The following ETAA1 variants were observed in gnomAD, a reference collection of about 807,000 sequenced individuals.
ETAA1 encodes ETAA1 activator of ATR kinase.
In ETAA1, 49 loss-of-function variants were observed where a neutral mutation model predicts 76.8. The observed-to-expected ratio is 0.64, with a 90% CI of 0.51 to 0.81. The LOEUF (loss-of-function observed/expected upper bound fraction) is 0.81. Among genes scored for constraint, ETAA1 ranks in the 30% least tolerant of loss-of-function variants. The probability of loss-of-function intolerance (pLI) is 0.00; values close to 1 mark genes in which losing one functional copy is unlikely to be tolerated. For missense variants in ETAA1, 1,099 were observed against 1,074.0 expected (o/e 1.02, Z -0.32); for synonymous variants, 373 against 372.2 (o/e 1.00, Z -0.03).
chr2:67,397,428 G>C lies in ETAA1; in HGVS notation c.-21G>C, dbSNP rs1280132234. On this transcript the variant is annotated 5_prime_UTR_variant, in exon 1 of 6. Coordinates refer to ENST00000272342, the MANE Select transcript of ETAA1 (RefSeq NM_019002.4). ...GCAAAATGTGAAAGAAGAAGCGGCTGGTGGAGGCGGGCCATAGGCAATGAG... is the reference window on the plus strand; with the variant it reads ...GCAAAATGTGAAAGAAGAAGCGGCTCGTGGAGGCGGGCCATAGGCAATGAG... 1 of 1,573,456 alleles carries C rather than the reference G, an allele frequency of 6.4e-7. No homozygotes were observed. Among genetic ancestry groups the C allele is most frequent in the Non-Finnish European group, 8.6e-7 (1 of 1,159,014 alleles).
At position 67,403,231 on chromosome 2, in the gene ETAA1, AAC is replaced by A. The variant is rs1676103701; in HGVS notation, c.553_554del (p.Gln185LysfsTer11). 6.5e-7 allele frequency: 1 copy of A among 1,548,708 alleles called. No homozygotes were observed. The highest frequency in any genetic ancestry group is 8.7e-7 in the Non-Finnish European group (1 of 1,150,280). ...RAKISCTKLK[T>X]QSQEEELMKL... ...TTTTAATCTTGTTTAATAGGTTAAAAACACAAAGTCAAGAAGAAGAACTTATG... is the reference window on the plus strand; with the variant it reads ...TTTTAATCTTGTTTAATAGGTTAAAAACAAAGTCAAGAAGAAGAACTTATG... On this transcript the variant is annotated frameshift_variant, in exon 5 of 6. Coordinates refer to ENST00000272342, the MANE Select transcript of ETAA1 (RefSeq NM_019002.4). LOFTEE classifies it high-confidence loss of function.
chr2:67,407,941 G>A (rs953684567), intron 5 of ETAA1, among the ~76,000 whole-genome samples: 4 of 151,926 alleles, frequency 2.6e-5, no homozygotes, highest in Non-Finnish European at 4.4e-5. Flanking sequence ...TTGTTCAAGG[G>A]TCAACTATAG....
chr2:67,407,914 G>T (rs539872698), intron 5 of ETAA1, among the ~76,000 whole-genome samples: 20 of 152,038 alleles, frequency 1.3e-4, no homozygotes, highest in Middle Eastern at 3.4e-3. Context: ...GAGTGGACTT[G>T]CCAGTTCAAG....
At position 67,404,727 on chromosome 2, in the gene ETAA1, T is replaced by C; in HGVS notation, c.2045T>C (p.Ile682Thr). 1 of 1,613,466 alleles carries C rather than the reference T, an allele frequency of 6.2e-7. No homozygotes were observed. The highest frequency in any genetic ancestry group is 8.5e-7 in the Non-Finnish European group (1 of 1,179,584). Residue 682 changes from isoleucine (I) to threonine (T), a missense_variant, in exon 5 of 6, where the codon ATA becomes ACA. Ile to Thr is a moderately conservative substitution (Grantham distance 89). This residue lies in a region of ETAA1 where 302 missense variants were observed against 278.1 expected (regional missense o/e 1.09). Transcript: ENST00000272342. ...SEHGAKNMFA[I>T]SKQGSNLVQS... ...CATGGAGCCAAAAACATGTTTGCTA[T>C]ATCTAAACAAGGAAGTAATTTGGTA...
At chr2:67,399,848 T>C (rs1352061928) in intron 3 of ETAA1, among the ~76,000 whole-genome samples, 1 of 152,214 alleles carries the variant, frequency 6.6e-6, no homozygotes, top group Admixed American at 6.5e-5. Flanking sequence ...ATATCTTGTT[T>C]TAATTTTTTA....
intron 5 of ETAA1, 80 bp from the exon 6 acceptor site, chr2:67,409,830 TA>T (rs1389355169): frequency 7.1e-6 from 10 of 1,400,884 alleles, no homozygotes; most frequent in African/African-American, 2.9e-5. Flanking sequence ...TCTGGGTGAT[TA>T]AAAAAAGCAA....
In ETAA1 at chr2:67,404,504, G is replaced by T. The variant is rs755901034; in HGVS notation, c.1822G>T (p.Asp608Tyr). The change falls in exon 5 of 6, where the codon GAT (aspartate) becomes TAT (tyrosine). Residue 608 changes from aspartate (D) to tyrosine (Y), a missense_variant. Physicochemically the swap from Asp to Tyr is radical, Grantham distance 160. Coordinates refer to ENST00000272342, the MANE Select transcript of ETAA1 (RefSeq NM_019002.4). ...NTWEADDVDDDLLYQACDDIE... is the reference protein window; with the variant it reads ...NTWEADDVDDYLLYQACDDIE... ...CTGGGAAGCAGATGATGTAGATGAT[G>T]ATTTGTTGTACCAAGCATGTGATGA... The T allele has an allele frequency of 6.2e-7, 1 of 1,613,326 alleles. No individual in the cohort carries two copies. Among genetic ancestry groups the T allele is most frequent in the South Asian group, 1.1e-5 (1 of 91,060 alleles).
rs916771041 is a variant in ETAA1 at position 67,410,354 on chromosome 2, G to A, written c.*316G>A. 1.2e-4 allele frequency: 24 copies of A among 193,136 alleles called. No individual in the cohort carries two copies. Among genetic ancestry groups the A allele is most frequent in the African/African-American group, 4.5e-4 (19 of 42,304 alleles). The allele number at this position is 193,136 out of a possible 1,614,324, so 12.0% of individuals were successfully genotyped here. ...GATCATCAAAAAAGAGGTAATCTACGTTATTTCCTATTCTAATGTCTTTTC... is the reference window on the plus strand; with the variant it reads ...GATCATCAAAAAAGAGGTAATCTACATTATTTCCTATTCTAATGTCTTTTC... On this transcript the variant is annotated 3_prime_UTR_variant, in exon 6 of 6. Coordinates refer to ENST00000272342, the MANE Select transcript of ETAA1 (RefSeq NM_019002.4).
intron 5 of ETAA1, among the ~76,000 whole-genome samples, chr2:67,408,156 T>C (rs552594241): frequency 3.5e-4 from 54 of 152,272 alleles, no homozygotes; most frequent in African/African-American, 1.3e-3. Flanking sequence ...CCTTTTACTT[T>C]GGTATGTAGC....
rs1487705061 is a variant in ETAA1, at chr2:67,403,460, A to G, written c.778A>G (p.Lys260Glu). The change falls in exon 5 of 6, where the codon AAG becomes GAG. Residue 260 changes from lysine to glutamate, a missense_variant. Lys to Glu is a moderately conservative substitution (Grantham distance 56, BLOSUM62 1). Coordinates refer to ENST00000272342, the MANE Select transcript of ETAA1 (RefSeq NM_019002.4). ...ATKKPIKGNTKISVANNQNSS... is the reference protein window; with the variant it reads ...ATKKPIKGNTEISVANNQNSS... ...AAAAAAGCCAATCAAAGGAAACACC[A>G]AGATATCTGTGGCAAATAATCAAAA... is the stretch of plus-strand genomic sequence containing the variant. 1 of 1,613,260 alleles carries G rather than the reference A, an allele frequency of 6.2e-7. No homozygotes were observed. The highest frequency in any genetic ancestry group is 1.3e-5 in the African/African-American group (1 of 74,908).
At chr2:67,405,888 C>G (rs983354364) in intron 5 of ETAA1, among the ~76,000 whole-genome samples, 20 of 151,948 alleles carry the variant, frequency 1.3e-4, no homozygotes, top group Non-Finnish European at 1.5e-5. Context: ...TCTCTTTTCC[C>G]CAAGTCTCCA....
At chr2:67,401,380 T>A (rs1251220973) in intron 3 of ETAA1, 1 of 151,964 alleles carries the variant, frequency 6.6e-6, no homozygotes, top group African/African-American at 2.4e-5. Flanking sequence ...TTTTTAAATA[T>A]GCGCTTTTAT....
At chr2:67,409,025 T>TA (rs1415620374) in intron 5 of ETAA1, among the ~76,000 whole-genome samples, 1 of 152,070 alleles carries the variant, frequency 6.6e-6, no homozygotes, top group African/African-American at 2.4e-5. Context: ...GAAACTTATT[T>TA]AAAATATGTA....
chr2:67,405,179 T>C lies in ETAA1; in HGVS notation c.2497T>C (p.Ser833Pro). The C allele has an allele frequency of 6.2e-7, 1 of 1,612,534 alleles. No individual in the cohort carries two copies. The highest frequency in any genetic ancestry group is 8.5e-7 in the Non-Finnish European group (1 of 1,179,192). Reference sequence around the variant, plus strand: ...AAGGATGAAAAATTCTCAGATTCTTTCTCAGTTTAATCAAAATTGTATAAC... The same window carrying C: ...AAGGATGAAAAATTCTCAGATTCTTCCTCAGTTTAATCAAAATTGTATAAC... Reference protein sequence around the residue: ...FTRMKNSQILSQFNQNCITGS... With the variant: ...FTRMKNSQILPQFNQNCITGS... The change falls in exon 5 of 6, where the codon TCT becomes CCT. Residue 833 changes from serine to proline, a missense_variant. Physicochemically the swap from Ser to Pro is moderately conservative, Grantham distance 74. Coordinates refer to ENST00000272342, the MANE Select transcript of ETAA1 (RefSeq NM_019002.4).
Position 67,410,122 on chromosome 2 carries a change from G to A in ETAA1, c.*84G>A. 1 of 1,288,516 alleles carries A rather than the reference G, an allele frequency of 7.8e-7. No individual in the cohort carries two copies. The highest frequency in any genetic ancestry group is 1.5e-5 in the African/African-American group (1 of 64,902). The allele number at this position is 1,288,516 out of a possible 1,614,324, so 79.8% of individuals were successfully genotyped here. ...AAATTTTTTTTCTTGATTTCTCTGT[G>A]AGAAATGTAATGCTGACTTTTATAA... On this transcript the variant is annotated 3_prime_UTR_variant, in exon 6 of 6. Transcript: ENST00000272342.
In ETAA1 at chr2:67,404,041, C is replaced by T. The variant is rs1354142930; in HGVS notation, c.1359C>T (p.Asp453=). 2 of 1,606,580 alleles carry T rather than the reference C, an allele frequency of 1.2e-6. No homozygotes were observed. Among genetic ancestry groups the T allele is most frequent in the Non-Finnish European group, 1.7e-6 (2 of 1,176,686 alleles). Reference sequence around the variant, plus strand: ...AAGATCTTTCTTCAAAGACATATGACAGAGAATTAATAGATGCAGAATATA... The same window carrying T: ...AAGATCTTTCTTCAAAGACATATGATAGAGAATTAATAGATGCAGAATATA... ...VLQDLSSKTY[D]RELIDAEYRF... The change falls in exon 5 of 6, where the codon GAC becomes GAT. Residue 453 remains aspartate, a synonymous_variant. Coordinates refer to ENST00000272342, the MANE Select transcript of ETAA1 (RefSeq NM_019002.4).
chr2:67,410,000 G>T lies in ETAA1; in HGVS notation c.2743G>T (p.Ala915Ser). 6.2e-7 allele frequency: 1 copy of T among 1,609,176 alleles called. No individual in the cohort carries two copies. The highest frequency in any genetic ancestry group is 8.5e-7 in the Non-Finnish European group (1 of 1,178,126). ...GGTTCGGAGAATGGCTAAAGCACGA[G>T]CCTCATCTGTAAATGCAGCTCCCAC... ...ALVRRMAKAR[A>S]SSVNAAPTSF... Residue 915 changes from alanine (A) to serine (S), a missense_variant, in exon 6 of 6, where the codon GCC becomes TCC. Coordinates refer to ENST00000272342, the MANE Select transcript of ETAA1 (RefSeq NM_019002.4).
chr2:67,407,674 T>C (rs1167094571), intron 5 of ETAA1, among the ~76,000 whole-genome samples: 1 of 152,150 alleles, frequency 6.6e-6, no homozygotes, highest in Non-Finnish European at 1.5e-5. Flanking sequence ...TTAATACATA[T>C]TTTGTATGCT....
rs914758392 is a variant in ETAA1, at chr2:67,404,612, G to A, written c.1930G>A (p.Glu644Lys). ...ESICEINNNS[E>K]HGAKLTQQQD... is the part of the protein sequence containing the mutation. ...TATATGTGAGATCAATAATAATTCCGAACATGGAGCCAAACTAACTCAGCA... is the reference window on the plus strand; with the variant it reads ...TATATGTGAGATCAATAATAATTCCAAACATGGAGCCAAACTAACTCAGCA... Residue 644 changes from glutamate to lysine, a missense_variant, in exon 5 of 6, where the codon GAA becomes AAA. Around this residue, in one of 3 missense-constraint regions of ETAA1, gnomAD observed 36 missense variants for 64.0 expected, o/e 0.56. Transcript: ENST00000272342. 6.2e-7 allele frequency: 1 copy of A among 1,612,830 alleles called. No individual in the cohort carries two copies. The highest frequency in any genetic ancestry group is 8.5e-7 in the Non-Finnish European group (1 of 1,179,354).
Sources: gnomAD v4.1 joint callset for allele counts (sites outside exome capture counted in the v4.1 genomes callset) on GRCh38, gnomAD v4.1.1 for gene constraint, gnomAD v4.1.1 regional missense constraint, MANE v1.5 for transcripts, NCBI Gene and HGNC (gene_info 2026-07-23, HGNC 2026-07-21) for gene names.